EXOC6B: variants seen among roughly 807,000 people sequenced by gnomAD.
The protein encoded by EXOC6B is exocyst complex component 6B.
EXOC6B carries 54 observed loss-of-function variants against 113.5 expected under a neutral mutation model. That is an observed-to-expected ratio of 0.48 (90% confidence interval 0.38 to 0.60). EXOC6B has a LOEUF of 0.60. Among genes scored for constraint, EXOC6B ranks in the 20% least tolerant of loss-of-function variants. The pLI is 0.00. For missense variants in EXOC6B, 797 were observed against 977.5 expected (o/e 0.82, Z 2.46); for synonymous variants, 357 against 339.0 (o/e 1.05, Z -0.58).
intron 1 of EXOC6B, among the ~76,000 whole-genome samples, chr2:72,813,458 A>G (rs867122957): frequency 6.6e-6 from 1 of 151,844 alleles, no homozygotes; most frequent in Non-Finnish European, 1.5e-5. Context: ...CTAATAATCT[A>G]TTTTTCTTGG....
At chr2:72,806,390 T>C (rs1441607633) in intron 1 of EXOC6B, among the ~76,000 whole-genome samples, 1 of 152,250 alleles carries the variant, frequency 6.6e-6, no homozygotes, top group Non-Finnish European at 1.5e-5. Context: ...CAGTGGTCCA[T>C]GGTGTACATG....
intron 6 of EXOC6B, among the ~76,000 whole-genome samples, chr2:72,665,047 T>C (rs1675291528): frequency 6.6e-6 from 1 of 152,040 alleles, no homozygotes; most frequent in South Asian, 2.1e-4. Context: ...GGGATGTGGG[T>C]TCGAGGGCTG....
chr2:72,297,018 A>G (rs1686180863), intron 20 of EXOC6B, among the ~76,000 whole-genome samples: 1 of 152,202 alleles, frequency 6.6e-6, no homozygotes, highest in Non-Finnish European at 1.5e-5. Context: ...ATATTCTTAA[A>G]GGTTGAAAGA....
intron 1 of EXOC6B, among the ~76,000 whole-genome samples, chr2:72,764,973 C>T (rs1288860813): frequency 2.6e-5 from 4 of 152,112 alleles, no homozygotes; most frequent in Non-Finnish European, 4.4e-5. Context: ...ATACTCCCAG[C>T]CAGGTGTGGT....
At chr2:72,420,243 T>C (rs1213372011) in intron 18 of EXOC6B, among the ~76,000 whole-genome samples, 1 of 152,210 alleles carries the variant, frequency 6.6e-6, no homozygotes, top group East Asian at 1.9e-4. Flanking sequence ...AGAATCTTTT[T>C]TATTATTATT....
intron 6 of EXOC6B, among the ~76,000 whole-genome samples, chr2:72,629,755 A>G (rs1181811525): frequency 2.6e-5 from 4 of 152,222 alleles, no homozygotes; most frequent in Non-Finnish European, 4.4e-5. Flanking sequence ...AATGTTAAAA[A>G]TGAAGAATAG....
chr2:72,530,859 T>A (rs2105753310), intron 8 of EXOC6B, among the ~76,000 whole-genome samples: 1 of 152,282 alleles, frequency 6.6e-6, no homozygotes, highest in South Asian at 2.1e-4. Flanking sequence ...TTCTTTCCTC[T>A]GATGTCTACT....
chr2:72,634,375 G>T (rs1415692892), intron 6 of EXOC6B, among the ~76,000 whole-genome samples: 1 of 152,152 alleles, frequency 6.6e-6, no homozygotes, highest in Admixed American at 6.5e-5. Context: ...CTAAAATACT[G>T]CAGCCCCATC....
chr2:72,383,651 A>G (rs950390134), intron 18 of EXOC6B, among the ~76,000 whole-genome samples: 8 of 152,122 alleles, frequency 5.3e-5, no homozygotes, highest in African/African-American at 1.9e-4. Flanking sequence ...TATTGAATAT[A>G]TAACCAAATG....
chr2:72,244,429 T>C (rs903713640), intron 20 of EXOC6B, among the ~76,000 whole-genome samples: 4 of 152,068 alleles, frequency 2.6e-5, no homozygotes, highest in Admixed American at 2.0e-4. Context: ...ATTTATAACA[T>C]TGAATCCATA....
chr2:72,551,064 T>A (rs1442094168), intron 8 of EXOC6B, among the ~76,000 whole-genome samples: 1 of 152,098 alleles, frequency 6.6e-6, no homozygotes, highest in East Asian at 1.9e-4. Context: ...ATTTATTAAT[T>A]GTACTATGTA....
At chr2:72,219,654 A>T (rs1200242611) in intron 20 of EXOC6B, among the ~76,000 whole-genome samples, 4 of 152,148 alleles carry the variant, frequency 2.6e-5, no homozygotes, top group Non-Finnish European at 5.9e-5. Flanking sequence ...TTAGAGGGTC[A>T]GCCATAGGTT....
At chr2:72,755,567 T>C (rs933718099) in intron 1 of EXOC6B, among the ~76,000 whole-genome samples, 1 of 152,152 alleles carries the variant, frequency 6.6e-6, no homozygotes, top group Admixed American at 6.6e-5. Flanking sequence ...AAAAAGTTAA[T>C]TCAAGTTCTA....
In EXOC6B at chr2:72,825,555, AC is replaced by A. The variant is rs1005827842; in HGVS notation, c.113+242del. 1.3e-5 allele frequency among the ~76,000 whole-genome samples: 2 copies of A among 152,160 alleles called. No homozygotes were observed. Among genetic ancestry groups the A allele is most frequent in the African/African-American group, 4.8e-5 (2 of 41,450 alleles). Reference sequence around the variant, plus strand: ...GCGCCGGACCAGCCTCGGAGGGAGAACGAAGGCTGCTCCTGCCCCGAGGGAG... The same window carrying A: ...GCGCCGGACCAGCCTCGGAGGGAGAAGAAGGCTGCTCCTGCCCCGAGGGAG... On this transcript the variant is annotated intron_variant, in intron 1 of 21. Transcript: ENST00000272427. This position sits in a 1 kb window ranked among gnomAD's most constrained non-coding sequence, Gnocchi z 4.4.
At position 72,512,430 on chromosome 2, in the gene EXOC6B, A is replaced by C. The variant is rs578091105; in HGVS notation, c.1167+702T>G. Reference sequence around the variant, plus strand: ...AAGGAAGGAAGGAAGGAAGGAAAGAAGGAAGGAAGGAAGGAAGGAAAGAAG... The same window carrying C: ...AAGGAAGGAAGGAAGGAAGGAAAGACGGAAGGAAGGAAGGAAGGAAAGAAG... On this transcript the variant is annotated intron_variant, in intron 11 of 21. Transcript: ENST00000272427. Among the ~76,000 whole-genome samples the C allele has an allele frequency of 4.1e-4, 59 of 143,806 alleles. No individual in the cohort carries two copies. In the South Asian group the frequency reaches 9.0e-3, roughly 22 times the overall value. The allele number at this position is 143,806 out of a possible 152,430, so 94.3% of individuals were successfully genotyped here.
At chr2:72,374,412 G>A (rs1211466792) in intron 19 of EXOC6B, among the ~76,000 whole-genome samples, 1 of 152,084 alleles carries the variant, frequency 6.6e-6, no homozygotes, top group Non-Finnish European at 1.5e-5. Flanking sequence ...TAATGAGCTG[G>A]AGGCAATTAT....
At chr2:72,464,532 A>T (rs1045207039) in intron 18 of EXOC6B, 1 of 152,408 alleles carries the variant, frequency 6.6e-6, no homozygotes, top group African/African-American at 2.4e-5. Context: ...GGAAAACATG[A>T]ACCTTTTCTG....
chr2:72,310,762 A>G (rs1367908809), intron 20 of EXOC6B, among the ~76,000 whole-genome samples: 3 of 152,086 alleles, frequency 2.0e-5, no homozygotes, highest in Non-Finnish European at 2.9e-5. Context: ...AGATATGTCA[A>G]TGTTGGCTTT....
chr2:72,537,176 A>ATCTT (rs1702341631), intron 8 of EXOC6B, among the ~76,000 whole-genome samples: 1 of 151,870 alleles, frequency 6.6e-6, no homozygotes, highest in East Asian at 1.9e-4. Flanking sequence ...AGTAGTGTGC[A>ATCTT]TCTTTGTCCT....
Sources: allele counts gnomAD v4.1 joint callset (sites outside exome capture counted in the v4.1 genomes callset), GRCh38; gene constraint gnomAD v4.1.1; non-coding constraint Gnocchi (gnomAD v3.1); transcripts MANE v1.5; gene names NCBI Gene and HGNC (gene_info 2026-07-23, HGNC 2026-07-21).